GFRA1: variants seen among roughly 807,000 people sequenced by gnomAD.
The protein encoded by GFRA1 is GDNF family receptor alpha 1, also known as GDNF family receptor alpha-1.
A neutral mutation model predicts 51.6 loss-of-function variants in GFRA1; 16 were observed. That is an observed-to-expected ratio of 0.31 (90% confidence interval 0.21 to 0.47). The LOEUF (loss-of-function observed/expected upper bound fraction) is 0.47, where lower values mean the gene tolerates loss of function less well. Ranked by LOEUF, GFRA1 falls within the 20% of genes least tolerant of loss-of-function variation. The pLI is 1.00. For synonymous variants in GFRA1, 270 were observed against 241.3 expected (o/e 1.12, Z -1.10); for missense variants, 530 against 594.3 (o/e 0.89, Z 1.13).
At chr10:116,082,377 T>C (rs1191292220) in intron 9 of GFRA1, among the ~76,000 whole-genome samples, 1 of 152,154 alleles carries the variant, frequency 6.6e-6, no homozygotes, top group African/African-American at 2.4e-5. Flanking sequence ...CCAAAGAACA[T>C]TCTCCCTCTT....
At chr10:116,114,771 T>A (rs943401918) in intron 6 of GFRA1, among the ~76,000 whole-genome samples, 3 of 152,140 alleles carry the variant, frequency 2.0e-5, no homozygotes, top group African/African-American at 7.2e-5. Context: ...TTGTCCTCCC[T>A]GATAAAAACT....
intron 5 of GFRA1, among the ~76,000 whole-genome samples, chr10:116,149,098 A>G (rs1958955727): frequency 6.6e-6 from 1 of 152,204 alleles, no homozygotes; most frequent in African/African-American, 2.4e-5. Context: ...AACATTAGAC[A>G]CATCTTTAAA....
At chr10:116,247,464 A>G (rs376469256) in intron 4 of GFRA1, among the ~76,000 whole-genome samples, 5 of 152,334 alleles carry the variant, frequency 3.3e-5, no homozygotes, top group Middle Eastern at 3.4e-3. Flanking sequence ...TAGTTTTGGA[A>G]CAAACCCCAG....
At chr10:116,096,860 C>T in intron 6 of GFRA1, 96 bp from the exon 7 acceptor site, 1 of 687,426 alleles carries the variant, frequency 1.5e-6, no homozygotes. Context: ...TGTTGATATG[C>T]CTTTTTCTGC....
intron 5 of GFRA1, among the ~76,000 whole-genome samples, chr10:116,131,350 G>A (rs2134050726): frequency 6.6e-6 from 1 of 152,298 alleles, no homozygotes; most frequent in South Asian, 2.1e-4. Context: ...ACATTCGGTA[G>A]CTTTTTATAA....
At chr10:116,097,985 T>C (rs1260385424) in intron 6 of GFRA1, among the ~76,000 whole-genome samples, 2 of 152,206 alleles carry the variant, frequency 1.3e-5, no homozygotes, top group African/African-American at 4.8e-5. Flanking sequence ...AAAGACCTGA[T>C]GGAATTATCC....
At chr10:116,261,265 T>C (rs1969281751) in intron 4 of GFRA1, among the ~76,000 whole-genome samples, 1 of 152,238 alleles carries the variant, frequency 6.6e-6, no homozygotes, top group African/African-American at 2.4e-5. Context: ...ATCACTGTCC[T>C]AGACAATTTA....
intron 5 of GFRA1, among the ~76,000 whole-genome samples, chr10:116,209,924 GTTCC>G (rs1457047870): frequency 6.6e-6 from 1 of 152,096 alleles, no homozygotes; most frequent in Non-Finnish European, 1.5e-5. Flanking sequence ...AGCAAGTTCA[GTTCC>G]TTCCATTTGA....
intron 5 of GFRA1, among the ~76,000 whole-genome samples, chr10:116,175,287 G>A (rs1304134142): frequency 6.6e-6 from 1 of 152,156 alleles, no homozygotes; most frequent in Non-Finnish European, 1.5e-5. Context: ...TCAACATGGT[G>A]CCATATCCTT....
intron 9 of GFRA1, 126 bp downstream of exon 9, chr10:116,089,615 T>C (rs1183731906): frequency 2.4e-6 from 2 of 845,996 alleles, no homozygotes; most frequent in East Asian, 2.4e-5. Flanking sequence ...AAATGCAGTT[T>C]TGAGACTCAA....
chr10:116,220,138 C>T (rs1454990425), intron 4 of GFRA1, among the ~76,000 whole-genome samples: 1 of 152,158 alleles, frequency 6.6e-6, no homozygotes, highest in Non-Finnish European at 1.5e-5. Flanking sequence ...CACATACATC[C>T]ACAAACACAT....
At chr10:116,164,222 T>C (rs962604883) in intron 5 of GFRA1, among the ~76,000 whole-genome samples, 1 of 152,146 alleles carries the variant, frequency 6.6e-6, no homozygotes, top group Non-Finnish European at 1.5e-5. Context: ...TGCTGGATGT[T>C]TGAATGTTCT....
At chr10:116,162,532 G>A (rs1198873848) in intron 5 of GFRA1, among the ~76,000 whole-genome samples, 2 of 152,222 alleles carry the variant, frequency 1.3e-5, no homozygotes, top group Non-Finnish European at 2.9e-5. Context: ...CCATTCCAAA[G>A]AGGTTGGTCT....
intron 5 of GFRA1, among the ~76,000 whole-genome samples, chr10:116,141,099 A>G (rs1305644502): frequency 6.6e-6 from 1 of 152,244 alleles, no homozygotes; most frequent in Non-Finnish European, 1.5e-5. Flanking sequence ...TAACATGTCT[A>G]AAACAGTGAC....
intron 4 of GFRA1, among the ~76,000 whole-genome samples, chr10:116,232,118 T>C (rs984395139): frequency 2.5e-4 from 38 of 152,330 alleles, no homozygotes; most frequent in African/African-American, 9.1e-4. Flanking sequence ...GAGTTTCAGG[T>C]AAGAGTGCCG....
chr10:116,268,051 C>A (rs550492984), intron 4 of GFRA1, among the ~76,000 whole-genome samples: 4 of 152,076 alleles, frequency 2.6e-5, no homozygotes, highest in African/African-American at 9.6e-5. Flanking sequence ...AAGAACCCAG[C>A]CTAGGGATCT....
Position 116,059,082 on chromosome 10 carries a change from T to C in GFRA1, c.*5316A>G, listed in dbSNP as rs1954682344. ...TCAGACCCTTTCTCCTAGGTCACCC[T>C]CAAAAACCTCAGGAGGACACATTCA... On this transcript the variant is annotated 3_prime_UTR_variant, in exon 11 of 11. Transcript: ENST00000355422. 6.6e-6 allele frequency: 1 copy of C among 152,174 alleles called. No homozygotes were observed. Among genetic ancestry groups the C allele is most frequent in the Non-Finnish European group, 1.5e-5 (1 of 68,046 alleles). The allele number at this position is 152,174 out of a possible 1,614,324, so 9.4% of individuals were successfully genotyped here. A position where few individuals can be genotyped will look rare whatever the true frequency, so the allele number is the denominator to read the frequency against.
chr10:116,062,663 C>T lies in GFRA1; in HGVS notation c.*1735G>A, dbSNP rs1441120813. 1 of 152,184 alleles carries T rather than the reference C, an allele frequency of 6.6e-6. No homozygotes were observed. Among genetic ancestry groups the T allele is most frequent in the Non-Finnish European group, 1.5e-5 (1 of 68,066 alleles). 9.4% of individuals were successfully genotyped at this position (152,184 alleles called of 1,614,324 possible). On this transcript the variant is annotated 3_prime_UTR_variant, in exon 11 of 11. Coordinates refer to ENST00000355422, the MANE Select transcript of GFRA1 (RefSeq NM_005264.8). ...TCTTCTACCAATGTGGGAAGAAAGC[C>T]AATGCTTCCCAGCACTTTCTGAAGG...
At chr10:116,101,156 T>C (rs528942036) in intron 6 of GFRA1, among the ~76,000 whole-genome samples, 9 of 152,188 alleles carry the variant, frequency 5.9e-5, no homozygotes, top group Non-Finnish European at 1.3e-4. Context: ...CTGCACACAC[T>C]TTCCCCTGCC....
Sources: gnomAD v4.1 joint callset for allele counts (sites outside exome capture counted in the v4.1 genomes callset) on GRCh38, gnomAD v4.1.1 for gene constraint, MANE v1.5 for transcripts, NCBI Gene and HGNC (gene_info 2026-07-23, HGNC 2026-07-21) for gene names.